Variants in LRMDA observed in about 807,000 individuals in gnomAD.
LRMDA encodes leucine-rich melanocyte differentiation-associated protein.
LRMDA carries 18 observed loss-of-function variants against 29.8 expected under a neutral mutation model. The ratio of observed to expected loss-of-function variants is 0.60; its 90% CI spans 0.42 to 0.90. The LOEUF (loss-of-function observed/expected upper bound fraction) is 0.90, where lower values mean the gene tolerates loss of function less well. LRMDA is among the 40% of genes least tolerant of loss of function. The pLI, the probability that LRMDA is intolerant of heterozygous loss-of-function variation, is 0.00. For missense variants in LRMDA, 273 were observed against 273.9 expected, an observed-to-expected ratio of 1.00 and a Z score of 0.02; for synonymous variants, 125 against 109.4, an observed-to-expected ratio of 1.14 and a Z score of -0.89.
chr10:76,440,882 T>TC (rs1261392767), intron 6 of LRMDA, among the ~76,000 whole-genome samples: 2 of 152,126 alleles, frequency 1.3e-5, no homozygotes, highest in African/African-American at 4.8e-5. Context: ...ACCCCACGTC[T>TC]CCCCTTCATC....
At chr10:75,482,647 T>C (rs765462504) in intron 2 of LRMDA, among the ~76,000 whole-genome samples, 1 of 152,130 alleles carries the variant, frequency 6.6e-6, no homozygotes, top group Non-Finnish European at 1.5e-5. Context: ...AGTGACTGAG[T>C]AGAGTCTGTG....
chr10:76,226,336 A>C (rs1285533264), intron 5 of LRMDA, among the ~76,000 whole-genome samples: 1 of 151,956 alleles, frequency 6.6e-6, no homozygotes, highest in Non-Finnish European at 1.5e-5. Context: ...TAATCCCAGC[A>C]CTTTGGGAGG....
intron 2 of LRMDA, among the ~76,000 whole-genome samples, chr10:75,908,286 C>T (rs1845788311): frequency 1.3e-5 from 2 of 152,180 alleles, no homozygotes; most frequent in African/African-American, 2.4e-5. Flanking sequence ...CTTCTCTGCA[C>T]ATCATGTGCT....
chr10:76,373,265 G>C (rs1371051403), intron 6 of LRMDA, among the ~76,000 whole-genome samples: 1 of 152,106 alleles, frequency 6.6e-6, no homozygotes, highest in Admixed American at 6.5e-5. Context: ...TAGTAGAAAT[G>C]GGCTCATTTT....
At chr10:76,104,238 C>T (rs1849442884) in intron 5 of LRMDA, among the ~76,000 whole-genome samples, 1 of 152,104 alleles carries the variant, frequency 6.6e-6, no homozygotes, top group Non-Finnish European at 1.5e-5. Context: ...TCTGCAGACT[C>T]TCCAGGGACG....
At chr10:75,772,856 G>T (rs1157216797) in intron 2 of LRMDA, among the ~76,000 whole-genome samples, 2 of 117,500 alleles carry the variant, frequency 1.7e-5, no homozygotes, top group East Asian at 3.3e-4. Context: ...CTTATTTTTT[G>T]GGGGGGGTGG....
intron 2 of LRMDA, among the ~76,000 whole-genome samples, chr10:75,995,190 G>A (rs988844033): frequency 2.6e-5 from 4 of 152,134 alleles, no homozygotes; most frequent in Non-Finnish European, 4.4e-5. Flanking sequence ...CATTTGCAGT[G>A]GAGTAAAGCA....
chr10:76,258,266 C>T (rs1211866999), intron 5 of LRMDA, among the ~76,000 whole-genome samples: 5 of 152,128 alleles, frequency 3.3e-5, no homozygotes, highest in Non-Finnish European at 5.9e-5. Flanking sequence ...CTTCATACTT[C>T]GTCTCAGTTC....
chr10:76,053,277 C>T (rs983046457), intron 4 of LRMDA, among the ~76,000 whole-genome samples: 1 of 152,178 alleles, frequency 6.6e-6, no homozygotes, highest in African/African-American at 2.4e-5. Context: ...GTCATCTGGA[C>T]TAGCCCTTGT....
At chr10:75,743,849 C>T (rs928822248) in intron 2 of LRMDA, 2 of 152,234 alleles carry the variant, frequency 1.3e-5, no homozygotes, top group African/African-American at 4.8e-5. Context: ...TGAGCACCAA[C>T]ACTATTGTCG....
chr10:75,720,729 A>G (rs1041812442), intron 2 of LRMDA, among the ~76,000 whole-genome samples: 1 of 152,204 alleles, frequency 6.6e-6, no homozygotes, highest in African/African-American at 2.4e-5. Context: ...CACAGCTCGC[A>G]TCTACTGGGT....
intron 2 of LRMDA, among the ~76,000 whole-genome samples, chr10:75,497,004 CT>C (rs375885068): frequency 1.9e-4 from 28 of 145,512 alleles, no homozygotes; most frequent in Admixed American, 5.5e-4. Context: ...TTTTTCTTTT[CT>C]TTAAAGGGAT....
At chr10:76,327,279 G>A (rs966770137) in intron 6 of LRMDA, among the ~76,000 whole-genome samples, 4 of 152,000 alleles carry the variant, frequency 2.6e-5, no homozygotes, top group African/African-American at 4.8e-5. Flanking sequence ...CTTTAGTAGA[G>A]ACAGGGTTTC....
intron 2 of LRMDA, among the ~76,000 whole-genome samples, chr10:75,722,123 C>T (rs1297390235): frequency 6.6e-6 from 1 of 152,124 alleles, no homozygotes; most frequent in Non-Finnish European, 1.5e-5. Flanking sequence ...CATCTTTGAA[C>T]TCCTCGTAAC....
chr10:76,444,640 T>C (rs1024612553), intron 6 of LRMDA, among the ~76,000 whole-genome samples: 1 of 152,162 alleles, frequency 6.6e-6, no homozygotes, highest in East Asian at 1.9e-4. Flanking sequence ...CAGCCTTAGG[T>C]TGCTCTCAAC....
chr10:75,434,942 G>C (rs1213136734), intron 1 of LRMDA, among the ~76,000 whole-genome samples: 3 of 152,218 alleles, frequency 2.0e-5, no homozygotes, highest in African/African-American at 7.2e-5. Flanking sequence ...CTTCGGCTTG[G>C]AGGGATTGGG....
At chr10:75,591,150 T>C (rs1158530233) in intron 2 of LRMDA, among the ~76,000 whole-genome samples, 3 of 152,130 alleles carry the variant, frequency 2.0e-5, no homozygotes, top group Non-Finnish European at 4.4e-5. Context: ...GGAAGATCGC[T>C]TGAGGCCAGA....
chr10:75,740,241 C>T (rs564329472), intron 2 of LRMDA, among the ~76,000 whole-genome samples: 1 of 152,348 alleles, frequency 6.6e-6, no homozygotes, highest in Admixed American at 6.5e-5. Flanking sequence ...GTGCGATGTT[C>T]AGACAAATGC....
chr10:76,239,848 G>A (rs1384059394), intron 5 of LRMDA, among the ~76,000 whole-genome samples: 1 of 151,802 alleles, frequency 6.6e-6, no homozygotes, highest in African/African-American at 2.4e-5. Flanking sequence ...TCTGATCATG[G>A]TAACTCTGTG....
Sources: gnomAD v4.1 joint callset for allele counts (sites outside exome capture counted in the v4.1 genomes callset) on GRCh38, gnomAD v4.1.1 for gene constraint, MANE v1.5 for transcripts, NCBI Gene and HGNC (gene_info 2026-07-23, HGNC 2026-07-21) for gene names.